POLG2: variants seen among roughly 807,000 people sequenced by gnomAD.
POLG2 encodes DNA polymerase subunit gamma-2.
POLG2 carries 50 observed loss-of-function variants against 56.5 expected under a neutral mutation model. That is an observed-to-expected ratio of 0.88 (90% CI 0.71 to 1.12). POLG2 has a LOEUF of 1.12. POLG2 is among the 50% of genes most tolerant of loss of function. The pLI is 0.00. For synonymous variants in POLG2, 226 were observed against 222.6 expected (o/e 1.02, Z -0.14); for missense variants, 584 against 583.3 (o/e 1.00, Z -0.01).
At position 64,492,978 on chromosome 17, in the gene POLG2, C is replaced by T. The variant is rs1555668849; in HGVS notation, c.606G>A (p.Lys202=). Residue 202 remains lysine, a synonymous_variant, in exon 2 of 8, where the codon AAG becomes AAA. Transcript: ENST00000539111. ...TCTGAGCAAGGCCATAAGGTAGCCT[C>T]TTGTTTACCAGATCCAGGCAATTAA... ...HYVNCLDLVN[K]RLPYGLAQIG... 6.2e-7 allele frequency: 1 copy of T among 1,614,066 alleles called. No individual in the cohort carries two copies. Among genetic ancestry groups the T allele is most frequent in the Admixed American group, 1.7e-5 (1 of 60,028 alleles).
chr17:64,483,774 ACTCACTGC>A (rs2037905172), intron 5 of POLG2, among the ~76,000 whole-genome samples: 1 of 147,892 alleles, frequency 6.8e-6, no homozygotes, highest in African/African-American at 2.5e-5. Context: ...AGAATGCTCC[ACTCACTGC>A]CTCACTGCAA....
intron 6 of POLG2, among the ~76,000 whole-genome samples, chr17:64,482,643 T>A (rs782186072): frequency 6.6e-6 from 1 of 152,144 alleles, no homozygotes; most frequent in Non-Finnish European, 1.5e-5. Flanking sequence ...AGCAAATGAA[T>A]CAAAATAAAA....
intron 4 of POLG2, among the ~76,000 whole-genome samples, chr17:64,486,312 T>G (rs1445329287): frequency 1.3e-5 from 2 of 151,936 alleles, no homozygotes; most frequent in Non-Finnish European, 2.9e-5. Context: ...CCCTACAGAC[T>G]ATTTCTTTAA....
chr17:64,488,870 A>G (rs1555667992), intron 4 of POLG2, among the ~76,000 whole-genome samples: 7 of 152,178 alleles, frequency 4.6e-5, no homozygotes, highest in African/African-American at 1.7e-4. Context: ...CAGGAGGCTG[A>G]GGCAGAAGAA....
chr17:64,489,710 C>T (rs558839422), intron 4 of POLG2, among the ~76,000 whole-genome samples: 1 of 151,876 alleles, frequency 6.6e-6, no homozygotes, highest in South Asian at 2.1e-4. Context: ...TGAGCTATCA[C>T]CATACCACTG....
At chr17:64,491,622 C>T (rs777623532) in intron 3 of POLG2, 1 of 1,517,654 alleles carries the variant, frequency 6.6e-7, no homozygotes, top group Non-Finnish European at 9.1e-7. Context: ...CCCTAGTGGC[C>T]TTGATGGAGC....
intron 5 of POLG2, among the ~76,000 whole-genome samples, chr17:64,484,679 T>C (rs189774024): frequency 1.3e-5 from 2 of 152,148 alleles, no homozygotes; most frequent in African/African-American, 4.8e-5. Flanking sequence ...GGAAGTGGAG[T>C]GTAAGAAAAA....
rs569499774 is a variant in POLG2, at chr17:64,482,264, C to A, written c.1191+655G>T. Among the ~76,000 whole-genome samples the A allele has an allele frequency of 1.8e-4, 27 of 150,854 alleles. 1 individual carries two copies. In the South Asian group the frequency reaches 5.5e-3, roughly 31 times the overall value. On this transcript the variant is annotated intron_variant, in intron 6 of 7. Coordinates refer to ENST00000539111, the MANE Select transcript of POLG2 (RefSeq NM_007215.4). ...AATTACAGGCACATACCATTATGCT[C>A]GGCTAATTTTTGTATTTTCAGTAGA...
rs371515325 is a variant in POLG2, at chr17:64,492,911, G to T, written c.673C>A (p.Arg225=). The T allele has an allele frequency of 6.3e-5, 102 of 1,613,752 alleles. No homozygotes were observed. Among genetic ancestry groups the T allele is most frequent in the Non-Finnish European group, 8.3e-5 (98 of 1,179,914 alleles). ...TTTTTATACCTTTTAACACCATTTC[G>T]TATCTGCTTAGTGTCAAAAACAGGA... ...FHPVFDTKQI[R]NGVKSIGEKT... Residue 225 remains arginine, a synonymous_variant, in exon 2 of 8, where the codon CGA becomes AGA. Coordinates refer to ENST00000539111, the MANE Select transcript of POLG2 (RefSeq NM_007215.4).
At chr17:64,488,572 T>C (rs2037998643) in intron 4 of POLG2, among the ~76,000 whole-genome samples, 1 of 152,126 alleles carries the variant, frequency 6.6e-6, no homozygotes, top group Non-Finnish European at 1.5e-5. Context: ...AATAAGACAC[T>C]AATAGCCACA....
intron 4 of POLG2, among the ~76,000 whole-genome samples, chr17:64,489,325 G>A (rs1225072506): frequency 6.9e-6 from 1 of 144,020 alleles, no homozygotes; most frequent in Non-Finnish European, 1.5e-5. Flanking sequence ...TTGCTGACCA[G>A]TAAATCTAGA....
chr17:64,477,937 CA>C lies in POLG2; in HGVS notation c.1343del (p.Leu448TrpfsTer5). On this transcript the variant is annotated frameshift_variant, in exon 8 of 8. Transcript: ENST00000539111. LOFTEE classifies it high-confidence loss of function. ...TTCTCAGATGTATTAATCCATTCTC[CA>C]AAGTAGTTTCAGTAACCAAAACTGT... ...LFTVLVTETT[L>X]ENGLIHLRSR... The C allele has an allele frequency of 6.2e-7, 1 of 1,613,872 alleles. No individual in the cohort carries two copies. Among genetic ancestry groups the C allele is most frequent in the Non-Finnish European group, 8.5e-7 (1 of 1,179,922 alleles).
intron 5 of POLG2, chr17:64,484,053 A>AATGCCTCT (rs2037910359): frequency 6.6e-6 from 1 of 152,218 alleles, no homozygotes; most frequent in Admixed American, 6.6e-5. Flanking sequence ...CAAACATTTT[A>AATGCCTCT]ATGCCTCTGA....
At chr17:64,482,859 A>C in intron 6 of POLG2, 60 bp downstream of exon 6, 1 of 980,396 alleles carries the variant, frequency 1.0e-6, no homozygotes, top group Non-Finnish European at 1.7e-6. Flanking sequence ...CCTGGTCCAA[A>C]GCGTTTTTGG....
chr17:64,495,760 G>A (rs879949971), intron 1 of POLG2, among the ~76,000 whole-genome samples: 5 of 151,736 alleles, frequency 3.3e-5, no homozygotes, highest in Non-Finnish European at 5.9e-5. Context: ...CCAAGCTGGA[G>A]TGCAGTGGCG....
chr17:64,494,628 T>C (rs377272630), intron 1 of POLG2, among the ~76,000 whole-genome samples: 6 of 152,194 alleles, frequency 3.9e-5, no homozygotes, highest in Admixed American at 1.3e-4. Context: ...ATTAATACTA[T>C]TGACTCTTAG....
rs782180971 is a variant in POLG2 at position 64,496,806 on chromosome 17, C to A, written c.163G>T (p.Glu55Ter). 3 of 1,613,734 alleles carry A rather than the reference C, an allele frequency of 1.9e-6. No homozygotes were observed. The East Asian group carries it at 6.7e-5, about 36-fold the overall frequency. ...CCAGACCCGGGGGCTTCTGGGTGCT[C>A]GCCGTTCCCCTCGAGCTCCGCGTGC... ...KSHAELEGNG[E>*]HPEAPGSGEG... is the part of the protein sequence containing the mutation. The change falls in exon 1 of 8, where the codon GAG becomes TAG. Residue 55 changes from glutamate (E) to a stop codon, truncating the protein, a stop_gained. Coordinates refer to ENST00000539111, the MANE Select transcript of POLG2 (RefSeq NM_007215.4). LOFTEE classifies it high-confidence loss of function.
chr17:64,496,823 T>A lies in POLG2; in HGVS notation c.146A>T (p.Glu49Val), dbSNP rs782372036. 1 of 1,613,564 alleles carries A rather than the reference T, an allele frequency of 6.2e-7. No homozygotes were observed. Among genetic ancestry groups the A allele is most frequent in the South Asian group, 1.1e-5 (1 of 91,042 alleles). ...TGGGTGCTCGCCGTTCCCCTCGAGC[T>A]CCGCGTGCGACTTCACATGCCCTCC... ...PKGGHVKSHA[E>V]LEGNGEHPEA... Residue 49 changes from glutamate to valine, a missense_variant, in exon 1 of 8, where the codon GAG (glutamate) becomes GTG (valine). Transcript: ENST00000539111.
chr17:64,496,549 G>A lies in POLG2; in HGVS notation c.420C>T (p.Pro140=), dbSNP rs781857702. 3 of 1,613,732 alleles carry A rather than the reference G, an allele frequency of 1.9e-6. No individual in the cohort carries two copies. The highest frequency in any genetic ancestry group is 1.3e-5 in the African/African-American group (1 of 74,862). The part of the protein sequence containing the change: ...ALHHKPGPLL[P]GDSAFRLVSA... ...AAACTAACCTGAAGGCACTGTCCCC[G>A]GGTAGCAAAGGGCCTGGTTTGTGGT... The change falls in exon 1 of 8, where the codon CCC becomes CCT. Residue 140 remains proline (P), a synonymous_variant. Coordinates refer to ENST00000539111, the MANE Select transcript of POLG2 (RefSeq NM_007215.4).
Sources: allele counts gnomAD v4.1 joint callset (sites outside exome capture counted in the v4.1 genomes callset), GRCh38; gene constraint gnomAD v4.1.1; transcripts MANE v1.5; gene names NCBI Gene and HGNC (gene_info 2026-07-23, HGNC 2026-07-21).